NELL2: variants seen among roughly 807,000 people sequenced by gnomAD.
NELL2 encodes neural EGFL like 2.
A neutral mutation model predicts 109.6 loss-of-function variants in NELL2; 41 were observed. The observed-to-expected ratio is 0.37, with a 90% CI of 0.29 to 0.49. NELL2 has a LOEUF of 0.49. Among genes scored for constraint, NELL2 ranks in the 20% least tolerant of loss-of-function variants. The pLI is 0.98. For missense variants in NELL2, 900 were observed against 1,008.3 expected (o/e 0.89, Z 1.45); for synonymous variants, 355 against 344.7 (o/e 1.03, Z -0.33).
intron 16 of NELL2, among the ~76,000 whole-genome samples, chr12:44,527,825 G>A (rs1042647035): frequency 1.3e-5 from 2 of 151,974 alleles, no homozygotes; most frequent in African/African-American, 4.8e-5. Context: ...CGGGCACGCT[G>A]GCTCATGCCT....
At chr12:44,806,665 T>C (rs879297916) in intron 3 of NELL2, among the ~76,000 whole-genome samples, 2 of 151,870 alleles carry the variant, frequency 1.3e-5, no homozygotes, top group African/African-American at 2.4e-5. Context: ...TTAGTGCCCA[T>C]GGCATACTGA....
intron 9 of NELL2, among the ~76,000 whole-genome samples, chr12:44,759,186 C>T (rs10785522): frequency 0.7 from 106,535 of 151,998 alleles, 37,634 homozygotes; most frequent in Non-Finnish European, 0.74. Flanking sequence ...TGCTCACTTT[C>T]CTCCCTCCTG....
At chr12:44,519,945 A>G (rs1022418497) in intron 19 of NELL2, 60 bp downstream of exon 19, 10 of 1,428,626 alleles carry the variant, frequency 7.0e-6, no homozygotes, top group Non-Finnish European at 8.9e-6. Context: ...GCACATTATT[A>G]TCTATGAGCC....
intron 15 of NELL2, among the ~76,000 whole-genome samples, chr12:44,570,258 T>C (rs1204658860): frequency 1.3e-5 from 2 of 152,210 alleles, no homozygotes; most frequent in African/African-American, 4.8e-5. Flanking sequence ...AATTTAATCG[T>C]GTTGCTATGT....
intron 15 of NELL2, among the ~76,000 whole-genome samples, chr12:44,585,792 G>A (rs930222447): frequency 6.6e-6 from 1 of 151,856 alleles, no homozygotes; most frequent in African/African-American, 2.4e-5. Context: ...TAATGGGGGA[G>A]GGAGAATGTT....
rs577077580 is a variant in NELL2, at chr12:44,892,477, A to T, written c.39-16577T>A. On this transcript the variant is annotated intron_variant, in intron 1 of 20. Transcript: ENST00000333837. The stretch of plus-strand genomic sequence containing the variant: ...CATCAAAAATAGCCCTATAAGGTAA[A>T]TCTTCTTCTTATCAAACTATTACTG... Among the ~76,000 whole-genome samples the T allele has an allele frequency of 3.9e-5, 6 of 152,272 alleles. No homozygotes were observed. In the South Asian group the frequency reaches 1.2e-3, roughly 32 times the overall value.
intron 15 of NELL2, among the ~76,000 whole-genome samples, chr12:44,558,780 G>A (rs1943355039): frequency 1.3e-5 from 2 of 152,134 alleles, no homozygotes; most frequent in African/African-American, 4.8e-5. Flanking sequence ...GCTGCAGGAG[G>A]TTTTTTTCAT....
At chr12:44,659,388 C>T (rs1182423537) in intron 13 of NELL2, among the ~76,000 whole-genome samples, 2 of 152,136 alleles carry the variant, frequency 1.3e-5, no homozygotes, top group African/African-American at 2.4e-5. Context: ...GTGAAAGAAA[C>T]TATCATCAAA....
At chr12:44,753,802 T>C (rs889844680) in intron 9 of NELL2, among the ~76,000 whole-genome samples, 22 of 152,212 alleles carry the variant, frequency 1.4e-4, no homozygotes, top group Non-Finnish European at 5.9e-5. Context: ...CTATTGCTGG[T>C]TTAGAGCTTT....
intron 15 of NELL2, among the ~76,000 whole-genome samples, chr12:44,543,959 A>G (rs1942685507): frequency 1.3e-5 from 2 of 152,092 alleles, no homozygotes; most frequent in South Asian, 4.1e-4. Context: ...TGATATAAAC[A>G]CTATGGATTT....
intron 15 of NELL2, among the ~76,000 whole-genome samples, chr12:44,565,571 A>T (rs1943626486): frequency 6.6e-6 from 1 of 152,188 alleles, no homozygotes; most frequent in Non-Finnish European, 1.5e-5. Context: ...AGGGAAGAGC[A>T]AGTGCAAAGT....
In NELL2 at chr12:44,607,279, A is replaced by C; in HGVS notation, c.1568-15T>G. ...TTTGCAAAATGCTAAAATAATTCAG[A>C]TACATGATTTTAGCACTTTAGAAGT... On this transcript the variant is annotated splice_polypyrimidine_tract_variant and intron_variant, in intron 14 of 19. Coordinates refer to ENST00000429094, the MANE Select transcript of NELL2 (RefSeq NM_001145108.2). 1 of 1,606,118 alleles carries C rather than the reference A, an allele frequency of 6.2e-7. No individual in the cohort carries two copies. Among genetic ancestry groups the C allele is most frequent in the South Asian group, 1.1e-5 (1 of 90,232 alleles).
intron 3 of NELL2, among the ~76,000 whole-genome samples, chr12:44,787,058 C>A (rs1490672318): frequency 2.0e-5 from 3 of 151,866 alleles, no homozygotes; most frequent in Non-Finnish European, 4.4e-5. Flanking sequence ...ACTATCAGAA[C>A]TAATAAGTTA....
upstream of NELL2, chr12:44,876,706 A>G (rs1945338119): frequency 1.3e-6 from 2 of 1,548,992 alleles, no homozygotes; most frequent in Non-Finnish European, 1.7e-6. Flanking sequence ...CTGCCCTTTA[A>G]GCAAAGGAGG....
chr12:44,571,470 T>C (rs964928532), intron 15 of NELL2, among the ~76,000 whole-genome samples: 18 of 152,192 alleles, frequency 1.2e-4, no homozygotes, highest in African/African-American at 3.6e-4. Flanking sequence ...CAATTACTTA[T>C]TTTTTCACAG....
chr12:44,918,537 G>GTT (rs1945846224), upstream of NELL2, among the ~76,000 whole-genome samples: 1 of 151,080 alleles, frequency 6.6e-6, no homozygotes, highest in Admixed American at 6.6e-5. Flanking sequence ...GTGTGTGTGT[G>GTT]TGTGTGTGTG....
At chr12:44,774,510 T>C in intron 9 of NELL2, 1 of 434,284 alleles carries the variant, frequency 2.3e-6, no homozygotes, top group Non-Finnish European at 4.1e-6. Context: ...TGTTTCCTAC[T>C]ACTATCACTA....
intron 2 of NELL2, among the ~76,000 whole-genome samples, chr12:44,848,273 C>T (rs1448542208): frequency 6.6e-6 from 1 of 152,022 alleles, no homozygotes; most frequent in Non-Finnish European, 1.5e-5. Context: ...TTATAGAAAG[C>T]GATGCAGAGG....
chr12:44,540,797 A>AAAAAAAAAAAAAAAAC (rs1942523427), intron 15 of NELL2, among the ~76,000 whole-genome samples: 3 of 150,302 alleles, frequency 2.0e-5, no homozygotes, highest in Non-Finnish European at 4.4e-5. Flanking sequence ...AAAAAAAAAA[A>AAAAAAAAAAAAAAAAC]AGCCCATCCT....
Sources: gnomAD v4.1 joint callset for allele counts (sites outside exome capture counted in the v4.1 genomes callset) on GRCh38, gnomAD v4.1.1 for gene constraint, MANE v1.5 for transcripts, NCBI Gene and HGNC (gene_info 2026-07-23, HGNC 2026-07-21) for gene names.